GRIK4: variants seen among roughly 807,000 people sequenced by gnomAD.
GRIK4 encodes the protein glutamate ionotropic receptor kainate type subunit 4, also known as glutamate receptor ionotropic, kainate 4.
Under a neutral mutation model 104.9 loss-of-function variants are expected in GRIK4, and 40 were observed. The ratio of observed to expected loss-of-function variants is 0.38; its 90% CI spans 0.30 to 0.50. The LOEUF is 0.50. GRIK4 is among the 20% of genes least tolerant of loss of function. The pLI, the probability that GRIK4 is intolerant of heterozygous loss-of-function variation, is 0.93. For missense variants in GRIK4, 1,047 were observed against 1,308.1 expected (o/e 0.80, Z 3.08); for synonymous variants, 485 against 524.9 (o/e 0.92, Z 1.04).
At position 120,877,432 on chromosome 11, in the gene GRIK4, G is replaced by T. The variant is rs116378023; in HGVS notation, c.1164+2189G>T. Among the ~76,000 whole-genome samples, 1,398 of 152,266 alleles carry T rather than the reference G, an allele frequency of 9.2e-3. 18 individuals are homozygous for T. The highest frequency in any genetic ancestry group is 0.032 in the African/African-American group (1,328 of 41,544). On this transcript the variant is annotated intron_variant, in intron 11 of 20. Transcript: ENST00000527524. ...AAATGTGGGTTATTACACTCAGATC[G>T]TGCCCTCAGGCTCCTAATTCCCTGA...
intron 10 of GRIK4, among the ~76,000 whole-genome samples, chr11:120,874,685 CA>C (rs936306153): frequency 1.3e-5 from 2 of 152,182 alleles, no homozygotes; most frequent in African/African-American, 4.8e-5. Flanking sequence ...CTACCCTACA[CA>C]GAAGACTTCT....
intron 13 of GRIK4, among the ~76,000 whole-genome samples, chr11:120,917,106 G>T (rs1943120074): frequency 6.6e-6 from 1 of 151,888 alleles, no homozygotes; most frequent in Non-Finnish European, 1.5e-5. Flanking sequence ...AATTAGCTGG[G>T]CATGGTGGCG....
At chr11:120,622,818 T>G (rs1476859417) in intron 1 of GRIK4, among the ~76,000 whole-genome samples, 1 of 152,226 alleles carries the variant, frequency 6.6e-6, no homozygotes, top group Non-Finnish European at 1.5e-5. Context: ...AGTCTCTGCC[T>G]CTGTGGTCAC....
chr11:120,835,057 GA>G (rs1401859894), intron 7 of GRIK4, among the ~76,000 whole-genome samples: 1 of 152,178 alleles, frequency 6.6e-6, no homozygotes, highest in East Asian at 1.9e-4. Flanking sequence ...AGTGAAGGAG[GA>G]AATATAGCTT....
Position 120,987,783 on chromosome 11 carries a change from C to T in GRIK4, c.*1523C>T, listed in dbSNP as rs1565479739. 1 of 152,258 alleles carries T rather than the reference C, an allele frequency of 6.6e-6. No individual in the cohort carries two copies. Among genetic ancestry groups the T allele is most frequent in the African/African-American group, 2.4e-5 (1 of 41,444 alleles). 9.4% of individuals were successfully genotyped at this position (152,258 alleles called of 1,614,324 possible). A position where few individuals can be genotyped will look rare whatever the true frequency, so the allele number is the denominator to read the frequency against. ...CTGATGGGAGGGGCGAGGCTTTCTA[C>T]AGCTGCTTGACCTTTGCTTGGCTTC... is the stretch of plus-strand genomic sequence containing the variant. On this transcript the variant is annotated 3_prime_UTR_variant, in exon 21 of 21. Transcript: ENST00000527524.
intron 1 of GRIK4, among the ~76,000 whole-genome samples, chr11:120,521,100 T>A (rs1421299148): frequency 6.6e-6 from 1 of 152,118 alleles, no homozygotes; most frequent in East Asian, 1.9e-4. Flanking sequence ...TGTTTTTCGT[T>A]TTTTTGAGAC....
intron 20 of GRIK4, 29 bp downstream of exon 20, chr11:120,982,253 G>C (rs202019501): frequency 2.5e-6 from 3 of 1,182,704 alleles, no homozygotes; most frequent in Non-Finnish European, 3.8e-6. Flanking sequence ...ATGATCGATC[G>C]TGTTGGCAGA....
chr11:120,779,119 T>C (rs17124317), intron 3 of GRIK4, among the ~76,000 whole-genome samples: 4,570 of 152,194 alleles, frequency 0.03, 183 homozygotes, highest in African/African-American at 0.085. Flanking sequence ...GCGAGAAAGA[T>C]GTGATTGACT....
intron 1 of GRIK4, among the ~76,000 whole-genome samples, chr11:120,530,325 A>G (rs1482187591): frequency 6.6e-6 from 1 of 152,164 alleles, no homozygotes; most frequent in Non-Finnish European, 1.5e-5. Flanking sequence ...AGGATATTTC[A>G]TGGAGAAGAG....
At chr11:120,922,910 A>G (rs1031571863) in intron 13 of GRIK4, among the ~76,000 whole-genome samples, 2 of 152,354 alleles carry the variant, frequency 1.3e-5, no homozygotes, top group East Asian at 1.9e-4. Flanking sequence ...AACAATGCAA[A>G]GGCCCAGATC....
chr11:120,743,950 A>G (rs1213332268), intron 3 of GRIK4, among the ~76,000 whole-genome samples: 1 of 152,228 alleles, frequency 6.6e-6, no homozygotes, highest in Non-Finnish European at 1.5e-5. Flanking sequence ...TGTAACGAGT[A>G]GCACAGCGAG....
intron 9 of GRIK4, among the ~76,000 whole-genome samples, chr11:120,863,978 A>G (rs1449721206): frequency 1.3e-5 from 2 of 152,212 alleles, no homozygotes; most frequent in Non-Finnish European, 2.9e-5. Context: ...TATGGAACCC[A>G]TCCCAACAAG....
At chr11:120,964,479 A>T (rs1027552843) in intron 18 of GRIK4, among the ~76,000 whole-genome samples, 1 of 152,194 alleles carries the variant, frequency 6.6e-6, no homozygotes, top group Non-Finnish European at 1.5e-5. Flanking sequence ...GTGTCCACTA[A>T]TAATACAGAT....
chr11:120,606,575 G>GTA (rs1948966050), intron 1 of GRIK4, among the ~76,000 whole-genome samples: 2 of 152,218 alleles, frequency 1.3e-5, no homozygotes, highest in Admixed American at 1.3e-4. Context: ...TGGCAACTGA[G>GTA]GTTTAAGAAG....
intron 1 of GRIK4, among the ~76,000 whole-genome samples, chr11:120,530,988 G>A (rs1947917954): frequency 6.6e-6 from 1 of 152,178 alleles, no homozygotes; most frequent in Non-Finnish European, 1.5e-5. Flanking sequence ...TTACTTCTTT[G>A]GACTTAGTTT....
intron 3 of GRIK4, among the ~76,000 whole-genome samples, chr11:120,693,821 C>A (rs898794161): frequency 6.6e-6 from 1 of 152,090 alleles, no homozygotes; most frequent in Non-Finnish European, 1.5e-5. Flanking sequence ...GTGGCTGAGC[C>A]GGGAGGGGCT....
In GRIK4 at chr11:120,988,267, G is replaced by T. The variant is rs558011519; in HGVS notation, c.*2007G>T. On this transcript the variant is annotated 3_prime_UTR_variant, in exon 21 of 21. Transcript: ENST00000527524. Reference sequence around the variant, plus strand: ...TTTTTTAAACCTTGCCTTGATCCTCGTGGAGAAACGTGGATTTGGTGGGAA... The same window carrying T: ...TTTTTTAAACCTTGCCTTGATCCTCTTGGAGAAACGTGGATTTGGTGGGAA... 1 of 151,944 alleles carries T rather than the reference G, an allele frequency of 6.6e-6. No homozygotes were observed. Among genetic ancestry groups the T allele is most frequent in the Non-Finnish European group, 1.5e-5 (1 of 68,026 alleles). The allele number at this position is 151,944 out of a possible 1,614,324, so 9.4% of individuals were successfully genotyped here.
chr11:120,800,097 A>T (rs1952595075), intron 3 of GRIK4, among the ~76,000 whole-genome samples: 1 of 151,274 alleles, frequency 6.6e-6, no homozygotes, highest in African/African-American at 2.4e-5. Flanking sequence ...CGGGTGATTC[A>T]TCTGCCTCAG....
At chr11:120,581,665 C>A (rs958212409) in intron 1 of GRIK4, among the ~76,000 whole-genome samples, 1 of 152,074 alleles carries the variant, frequency 6.6e-6, no homozygotes, top group Non-Finnish European at 1.5e-5. Flanking sequence ...ATAGCATTTG[C>A]CTTTTTGCGA....
Sources: gnomAD v4.1 joint callset for allele counts (sites outside exome capture counted in the v4.1 genomes callset) on GRCh38, gnomAD v4.1.1 for gene constraint, MANE v1.5 for transcripts, NCBI Gene and HGNC (gene_info 2026-07-23, HGNC 2026-07-21) for gene names.